The following PLCZ1 variants were observed in gnomAD, a reference collection of about 807,000 sequenced individuals.
PLCZ1 encodes phospholipase C zeta 1.
In PLCZ1, 64 loss-of-function variants were observed where a neutral mutation model predicts 76.8. The ratio of observed to expected loss-of-function variants is 0.83; its 90% CI spans 0.68 to 1.03. The LOEUF is 1.03. Among genes scored for constraint, PLCZ1 ranks in the 50% least tolerant of loss-of-function variants. The pLI, the probability that PLCZ1 is intolerant of heterozygous loss-of-function variation, is 0.00. For missense variants in PLCZ1, 751 were observed against 713.7 expected (o/e 1.05, Z -0.60); for synonymous variants, 248 against 230.8 (o/e 1.07, Z -0.68).
chr12:18,649,518 G>A, the PLCZ1 span, among the ~76,000 whole-genome samples: 22 of 151,884 alleles, frequency 1.4e-4, no homozygotes, highest in South Asian at 6.2e-4. Flanking sequence ...AAACTTTCTC[G>A]TTACCCCACT....
In PLCZ1 at chr12:18,704,904, G is replaced by A. The variant is rs1297400411; in HGVS notation, c.864+262C>T. Among the ~76,000 whole-genome samples the A allele has an allele frequency of 2.6e-5, 4 of 151,940 alleles. No homozygotes were observed. In the East Asian group the frequency reaches 5.8e-4, roughly 22 times the overall value. ...AAATTTCTGGTCCTTAATACTAATT[G>A]CTTTGATATTGTGGACCCATGGGGT... is the stretch of plus-strand genomic sequence containing the variant. On this transcript the variant is annotated intron_variant, in intron 7 of 14. Transcript: ENST00000266505.
intron 9 of PLCZ1, among the ~76,000 whole-genome samples, chr12:18,700,691 T>A (rs530950216): frequency 2.6e-5 from 4 of 152,146 alleles, no homozygotes; most frequent in African/African-American, 4.8e-5. Context: ...AGACACTATA[T>A]CAAGTCATTT....
At chr12:18,665,792 A>G in the PLCZ1 span, among the ~76,000 whole-genome samples, 1 of 151,958 alleles carries the variant, frequency 6.6e-6, no homozygotes, top group African/African-American at 2.4e-5. Context: ...AAAATTAGCC[A>G]GGCGTAGTGG....
chr12:18,724,398 T>TA (rs541326572), intron 3 of PLCZ1, among the ~76,000 whole-genome samples: 33 of 152,222 alleles, frequency 2.2e-4, no homozygotes, highest in Admixed American at 1.9e-3. Context: ...ATAGTATCAC[T>TA]AACAAATAAA....
downstream of PLCZ1, among the ~76,000 whole-genome samples, chr12:18,679,783 G>A (rs907234270): frequency 1.3e-5 from 2 of 151,956 alleles, no homozygotes; most frequent in African/African-American, 4.8e-5. Context: ...ATGTACACAT[G>A]GAAAGTAGAA....
In PLCZ1 at chr12:18,719,454, T is replaced by C. The variant is rs145460488; in HGVS notation, c.546A>G (p.Pro182=). Residue 182 remains proline (P), a synonymous_variant, in exon 5 of 15, where the codon CCA becomes CCG. Coordinates refer to ENST00000266505, the MANE Select transcript of PLCZ1 (RefSeq NM_033123.4). ...TYLVSDQLLG[P]SDLWGYVSAL... The stretch of plus-strand genomic sequence containing the variant: ...ACCTTACATATCCCCAAAGGTCACT[T>C]GGTCCCAATAATTGATCAGATACCA... 1.2e-5 allele frequency: 19 copies of C among 1,539,188 alleles called. No homozygotes were observed. Among genetic ancestry groups the C allele is most frequent in the Admixed American group, 1.9e-5 (1 of 52,024 alleles).
chr12:18,650,540 A>G, the PLCZ1 span, among the ~76,000 whole-genome samples: 2 of 150,204 alleles, frequency 1.3e-5, no homozygotes. Context: ...CATTTACATT[A>G]CCATATAAAC....
the PLCZ1 span, among the ~76,000 whole-genome samples, chr12:18,672,329 C>A: frequency 6.6e-6 from 1 of 152,028 alleles, no homozygotes; most frequent in Non-Finnish European, 1.5e-5. Context: ...ACAAACCTTT[C>A]CCGACAGTTA....
chr12:18,668,714 A>G, the PLCZ1 span, among the ~76,000 whole-genome samples: 2 of 152,290 alleles, frequency 1.3e-5, no homozygotes, highest in East Asian at 1.9e-4. Flanking sequence ...AAGACCATTT[A>G]TCACTCTCTG....
chr12:18,730,182 G>A (rs1015092014), intron 3 of PLCZ1, among the ~76,000 whole-genome samples: 2 of 151,996 alleles, frequency 1.3e-5, no homozygotes, highest in Admixed American at 6.6e-5. Context: ...GAGACTAGAA[G>A]ATTTTGGTCA....
At chr12:18,714,290 G>A (rs1232305303) in intron 5 of PLCZ1, among the ~76,000 whole-genome samples, 1 of 152,216 alleles carries the variant, frequency 6.6e-6, no homozygotes, top group Non-Finnish European at 1.5e-5. Flanking sequence ...CTGACATGGA[G>A]CTAATATGTG....
intron 3 of PLCZ1, among the ~76,000 whole-genome samples, chr12:18,733,437 A>G: frequency 6.6e-6 from 1 of 152,160 alleles, no homozygotes; most frequent in Admixed American, 6.6e-5. Flanking sequence ...TTGCTGTGCA[A>G]TAGCCACTTT....
intron 6 of PLCZ1, among the ~76,000 whole-genome samples, chr12:18,708,857 G>GT (rs762060564): frequency 2.6e-4 from 39 of 151,840 alleles, no homozygotes; most frequent in Non-Finnish European, 4.3e-4. Flanking sequence ...TTTTAATCAA[G>GT]TTTTTTTTCC....
chr12:18,736,212 T>C lies in PLCZ1; in HGVS notation c.135+9A>G, dbSNP rs779818791. 2 of 1,611,470 alleles carry C rather than the reference T, an allele frequency of 1.2e-6. No homozygotes were observed. The highest frequency in any genetic ancestry group is 1.3e-5 in the African/African-American group (1 of 74,952). On this transcript the variant is annotated intron_variant, in intron 3 of 14. Coordinates refer to ENST00000266505, the MANE Select transcript of PLCZ1 (RefSeq NM_033123.4). Reference sequence around the variant, plus strand: ...GGATAGGATAGGCAGGGGGTGGATGTCATCTTACCTTAAAAATCTGTTTCA... The same window carrying C: ...GGATAGGATAGGCAGGGGGTGGATGCCATCTTACCTTAAAAATCTGTTTCA...
intron 3 of PLCZ1, among the ~76,000 whole-genome samples, chr12:18,729,547 T>A (rs531677403): frequency 1.2e-3 from 187 of 152,216 alleles, no homozygotes; most frequent in African/African-American, 4.3e-3. Flanking sequence ...CCTTAAAGAA[T>A]TTGAAGACTC....
At chr12:18,718,787 T>C (rs541478903) in intron 5 of PLCZ1, among the ~76,000 whole-genome samples, 34 of 152,342 alleles carry the variant, frequency 2.2e-4, no homozygotes, top group African/African-American at 7.9e-4. Flanking sequence ...TTATTATCTG[T>C]CTATCTGCTT....
chr12:18,709,360 G>A (rs538575629), intron 6 of PLCZ1, among the ~76,000 whole-genome samples: 2 of 152,072 alleles, frequency 1.3e-5, no homozygotes, highest in East Asian at 3.9e-4. Flanking sequence ...TCTCTATTCT[G>A]TTCCACTGGT....
At chr12:18,727,961 G>C (rs907190078) in intron 3 of PLCZ1, among the ~76,000 whole-genome samples, 1 of 152,000 alleles carries the variant, frequency 6.6e-6, no homozygotes, top group African/African-American at 2.4e-5. Context: ...AAAAAGATAG[G>C]GTCAGAAGAA....
chr12:18,667,356 G>C, the PLCZ1 span, among the ~76,000 whole-genome samples: 1 of 152,160 alleles, frequency 6.6e-6, no homozygotes, highest in African/African-American at 2.4e-5. Flanking sequence ...ACTTTTAACT[G>C]TTATAAACTG....
Sources: allele counts gnomAD v4.1 joint callset (sites outside exome capture counted in the v4.1 genomes callset), GRCh38; gene constraint gnomAD v4.1.1; transcripts MANE v1.5; gene names NCBI Gene and HGNC (gene_info 2026-07-23, HGNC 2026-07-21).